The following CABYR variants were observed in gnomAD, a reference collection of about 807,000 sequenced individuals.
CABYR encodes calcium binding tyrosine phosphorylation regulated.
Under a neutral mutation model 36.1 loss-of-function variants are expected in CABYR, and 31 were observed. The observed-to-expected ratio is 0.86, with a 90% CI of 0.64 to 1.16. The LOEUF (loss-of-function observed/expected upper bound fraction) is 1.16, where lower values mean the gene tolerates loss of function less well. Ranked by LOEUF, CABYR falls within the 50% of genes most tolerant of loss-of-function variation. The probability of loss-of-function intolerance (pLI) is 0.00; values close to 1 mark genes in which losing one functional copy is unlikely to be tolerated. For synonymous variants in CABYR, 146 were observed against 160.7 expected (o/e 0.91, Z 0.69); for missense variants, 429 against 455.8 (o/e 0.94, Z 0.53).
intron 3 of CABYR, among the ~76,000 whole-genome samples, chr18:24,153,312 TG>T (rs1269819752): frequency 6.6e-6 from 1 of 152,122 alleles, no homozygotes; most frequent in Non-Finnish European, 1.5e-5. Context: ...CTTCTCTCTG[TG>T]GTCAGTCTTG....
chr18:24,152,672 T>C (rs1220649725), intron 3 of CABYR: 1 of 152,122 alleles, frequency 6.6e-6, no homozygotes, highest in Non-Finnish European at 1.5e-5. Flanking sequence ...CATGAACCTG[T>C]GAGGGAGACA....
intron 5 of CABYR, 46 bp downstream of exon 5, chr18:24,160,115 C>T (rs755595820): frequency 1.7e-5 from 22 of 1,270,854 alleles, no homozygotes; most frequent in South Asian, 6.9e-5. Flanking sequence ...AACACACGCG[C>T]GTTTTAAGCA....
At position 24,161,510 on chromosome 18, in the gene CABYR, T is replaced by TAACA. The variant is rs2085988425; in HGVS notation, c.*-5_*-2dup. On this transcript the variant is annotated splice_polypyrimidine_tract_variant and splice_region_variant and intron_variant, in intron 5 of 5. Coordinates refer to ENST00000399496, the MANE Select transcript of CABYR (RefSeq NM_153769.3). Reference sequence around the variant, plus strand: ...AACAATTCAATGTTTGCATTATTCCTAACAGATCCAGAAATGACGCTGTCT... The same window carrying TAACA: ...AACAATTCAATGTTTGCATTATTCCTAACAAACAGATCCAGAAATGACGCTGTCT... The TAACA allele has an allele frequency of 2.6e-6, 2 of 780,534 alleles. No homozygotes were observed. Among genetic ancestry groups the TAACA allele is most frequent in the Non-Finnish European group, 4.8e-6 (2 of 417,972 alleles). The allele number at this position is 780,534 out of a possible 1,614,324, so 48.4% of individuals were successfully genotyped here.
chr18:24,143,139 G>A lies in CABYR; in HGVS notation c.25G>A (p.Val9Ile), dbSNP rs1172574680. 1.9e-6 allele frequency: 3 copies of A among 1,611,572 alleles called. No homozygotes were observed. Among genetic ancestry groups the A allele is most frequent in the African/African-American group, 2.7e-5 (2 of 74,648 alleles). The change falls in exon 2 of 6, where the codon GTC becomes ATC. Residue 9 changes from valine to isoleucine, a missense_variant. Physicochemically the swap from Val to Ile is conservative, Grantham distance 29 (BLOSUM62 3). Coordinates refer to ENST00000399496, the MANE Select transcript of CABYR (RefSeq NM_153769.3). MISSKPRL[V>I]VPYGLKTLLE... ...AATGATTTCTTCAAAGCCCAGACTT[G>A]TCGTACCCTATGGCCTCAAGACTCT...
In CABYR at chr18:24,143,371, A is replaced by G. The variant is rs529839297; in HGVS notation, c.157A>G (p.Met53Val). Residue 53 changes from methionine to valine, a missense_variant, in exon 3 of 6, where the codon ATG becomes GTG. By Grantham distance (21) the Met-to-Val change is conservative (BLOSUM62 1). Coordinates refer to ENST00000399496, the MANE Select transcript of CABYR (RefSeq NM_153769.3). Reference protein sequence around the residue: ...ELTMYRGNTTMDIKDLVKQFH... With the variant: ...ELTMYRGNTTVDIKDLVKQFH... ...ATTGATTCCTTCAGGGAATACTACT[A>G]TGGATATAAAAGATCTGGTTAAACA... 7 of 1,584,676 alleles carry G rather than the reference A, an allele frequency of 4.4e-6. No homozygotes were observed. The African/African-American group carries it at 6.7e-5, about 15-fold the overall frequency.
intron 3 of CABYR, 50 bp from the exon 4 acceptor site, chr18:24,155,648 TCTC>T: frequency 1.5e-6 from 2 of 1,314,748 alleles, no homozygotes; most frequent in Non-Finnish European, 2.1e-6. Context: ...AATCTTTTCT[TCTC>T]TAAAAATCTT....
chr18:24,154,102 CAAA>C (rs33985751), intron 3 of CABYR, among the ~76,000 whole-genome samples: 11 of 57,432 alleles, frequency 1.9e-4, no homozygotes, highest in African/African-American at 5.9e-4. Flanking sequence ...GACTCCATCT[CAAA>C]AAAAAAAAAA....
intron 1 of CABYR, chr18:24,140,268 GTACT>G (rs928662968): frequency 2.3e-4 from 35 of 152,054 alleles, no homozygotes; most frequent in Admixed American, 2.2e-3. Context: ...CTCACTTTGG[GTACT>G]TAAAGAAAAT....
chr18:24,139,723 C>T (rs1319063632), intron 1 of CABYR: 1 of 152,246 alleles, frequency 6.6e-6, no homozygotes, highest in African/African-American at 2.4e-5. Context: ...TCTCAGCTTG[C>T]TTAGGACAGT....
At chr18:24,144,946 C>G (rs2085424986) in intron 3 of CABYR, among the ~76,000 whole-genome samples, 1 of 152,216 alleles carries the variant, frequency 6.6e-6, no homozygotes, top group African/African-American at 2.4e-5. Context: ...CCCTTTACAA[C>G]AGCATGGCAT....
chr18:24,139,077 G>C lies in CABYR; in HGVS notation c.-66G>C, dbSNP rs1048056822. On this transcript the variant is annotated 5_prime_UTR_variant, in exon 1 of 6. Coordinates refer to ENST00000399496, the MANE Select transcript of CABYR (RefSeq NM_153769.3). ...AAGTCTCCTCAGGAGCCGCCGGCAA[G>C]GGGGCAACGAGGAAGCTCTTAAGAG... The C allele has an allele frequency of 6.6e-6, 1 of 152,256 alleles. No homozygotes were observed. Among genetic ancestry groups the C allele is most frequent in the Non-Finnish European group, 1.5e-5 (1 of 68,048 alleles). The allele number at this position is 152,256 out of a possible 1,614,324, so 9.4% of individuals were successfully genotyped here.
chr18:24,157,380 AAATT>A (rs973223448), intron 4 of CABYR, among the ~76,000 whole-genome samples: 1 of 152,222 alleles, frequency 6.6e-6, no homozygotes, highest in Non-Finnish European at 1.5e-5. Context: ...GTGAATCTAA[AAATT>A]AAACTACAGC....
At position 24,159,636 on chromosome 18, in the gene CABYR, C is replaced by T; in HGVS notation, c.706C>T (p.Gln236Ter). ...ACCTAATCCTAAGGATCCACAGTTT[C>T]AGCAGCATCCACCAAAAGTCACTTT... ...YLPNPKDPQF[Q>*]QHPPKVTFPT... The change falls in exon 5 of 6, where the codon CAG becomes TAG. Residue 236 changes from glutamine (Q) to a stop codon, truncating the protein, a stop_gained. Coordinates refer to ENST00000399496, the MANE Select transcript of CABYR (RefSeq NM_153769.3). LOFTEE classifies it high-confidence loss of function. The T allele has an allele frequency of 6.2e-7, 1 of 1,614,114 alleles. No individual in the cohort carries two copies. Among genetic ancestry groups the T allele is most frequent in the Non-Finnish European group, 8.5e-7 (1 of 1,180,024 alleles).
intron 1 of CABYR, among the ~76,000 whole-genome samples, chr18:24,141,276 C>T (rs1475133594): frequency 2.6e-5 from 4 of 152,168 alleles, no homozygotes; most frequent in Non-Finnish European, 2.9e-5. Flanking sequence ...ATGAGATATT[C>T]GTTACTTTAT....
At chr18:24,158,525 T>TC (rs2085857932) in intron 4 of CABYR, among the ~76,000 whole-genome samples, 1 of 151,742 alleles carries the variant, frequency 6.6e-6, no homozygotes, top group African/African-American at 2.4e-5. Context: ...TCCATGTTGG[T>TC]CAGGCTGGTC....
At chr18:24,145,190 C>A (rs1341441302) in intron 3 of CABYR, among the ~76,000 whole-genome samples, 2 of 152,148 alleles carry the variant, frequency 1.3e-5, no homozygotes, top group African/African-American at 4.8e-5. Flanking sequence ...TTTCATTTAA[C>A]AAATATTTAA....
At chr18:24,149,607 G>A (rs1371802878) in intron 3 of CABYR, among the ~76,000 whole-genome samples, 5 of 152,254 alleles carry the variant, frequency 3.3e-5, no homozygotes, top group Admixed American at 6.5e-5. Context: ...AGCAGGGGGC[G>A]GTGCTCATCG....
intron 3 of CABYR, 131 bp downstream of exon 3, chr18:24,143,544 A>AAT (rs879504513): frequency 1.1e-3 from 361 of 341,330 alleles, no homozygotes; most frequent in Admixed American, 2.6e-3. Flanking sequence ...TCCTTTTTAA[A>AAT]ATATATATAT....
Position 24,161,498 on chromosome 18 carries a change from T to C in CABYR, c.*-18T>C, listed in dbSNP as rs781452517. On this transcript the variant is annotated intron_variant, in intron 5 of 5. Transcript: ENST00000399496. ...TGTTTAACTTTAAACAATTCAATGTTTGCATTATTCCTAACAGATCCAGAA... is the reference window on the plus strand; with the variant it reads ...TGTTTAACTTTAAACAATTCAATGTCTGCATTATTCCTAACAGATCCAGAA... 2.6e-6 allele frequency: 2 copies of C among 780,054 alleles called. No individual in the cohort carries two copies. Among genetic ancestry groups the C allele is most frequent in the African/African-American group, 3.4e-5 (2 of 59,138 alleles). 48.3% of individuals were successfully genotyped at this position (780,054 alleles called of 1,614,324 possible).
Sources: gnomAD v4.1 joint callset for allele counts (sites outside exome capture counted in the v4.1 genomes callset) on GRCh38, gnomAD v4.1.1 for gene constraint, MANE v1.5 for transcripts, NCBI Gene and HGNC (gene_info 2026-07-23, HGNC 2026-07-21) for gene names.